ODAD2: variants seen among roughly 807,000 people sequenced by gnomAD.
ODAD2 encodes outer dynein arm docking complex subunit 2.
In ODAD2, 89 loss-of-function variants were observed where a neutral mutation model predicts 106.8. The ratio of observed to expected loss-of-function variants is 0.83; its 90% confidence interval spans 0.70 to 0.99. ODAD2 has a LOEUF of 0.99. Among genes scored for constraint, ODAD2 ranks in the 50% least tolerant of loss-of-function variants. The pLI, the probability that ODAD2 is intolerant of heterozygous loss-of-function variation, is 0.00. For missense variants in ODAD2, 1,168 were observed against 1,238.5 expected, an observed-to-expected ratio of 0.94 and a Z score of 0.85; for synonymous variants, 404 against 436.2, an observed-to-expected ratio of 0.93 and a Z score of 0.92.
At chr10:27,862,152 TAC>T (rs1327044617) in intron 18 of ODAD2, among the ~76,000 whole-genome samples, 1 of 152,142 alleles carries the variant, frequency 6.6e-6, no homozygotes, top group Non-Finnish European at 1.5e-5. Flanking sequence ...AGTTAACACT[TAC>T]ATAATAGCAC....
At chr10:27,867,809 C>T (rs1840553203) in intron 17 of ODAD2, among the ~76,000 whole-genome samples, 1 of 151,908 alleles carries the variant, frequency 6.6e-6, no homozygotes, top group African/African-American at 2.4e-5. Flanking sequence ...ATTAGCTGGG[C>T]ATGGTGGCGT....
intron 19 of ODAD2, among the ~76,000 whole-genome samples, chr10:27,826,443 G>A (rs1421912968): frequency 1.3e-5 from 2 of 151,912 alleles, no homozygotes; most frequent in South Asian, 2.1e-4. Flanking sequence ...ATTTAAAACC[G>A]GCTCCACTCT....
chr10:27,897,230 C>T (rs1842917908), intron 17 of ODAD2, among the ~76,000 whole-genome samples: 1 of 152,044 alleles, frequency 6.6e-6, no homozygotes. Flanking sequence ...GTCCTTCTCC[C>T]TTCCACCTAC....
chr10:27,940,192 T>A (rs892061520), intron 13 of ODAD2, among the ~76,000 whole-genome samples, 185 bp from the exon 14 acceptor site: 33 of 152,162 alleles, frequency 2.2e-4, no homozygotes, highest in African/African-American at 7.9e-4. Flanking sequence ...TTTGTGTGTG[T>A]GTATATATAT....
intron 10 of ODAD2, among the ~76,000 whole-genome samples, chr10:27,960,417 G>A (rs921336019): frequency 4.0e-5 from 6 of 150,194 alleles, no homozygotes; most frequent in African/African-American, 1.5e-4. Flanking sequence ...CATGATCTCG[G>A]CTCACTGCAA....
At chr10:27,820,752 CAATT>C (rs1267878725) in intron 19 of ODAD2, among the ~76,000 whole-genome samples, 1 of 143,492 alleles carries the variant, frequency 7.0e-6, no homozygotes, top group Non-Finnish European at 1.5e-5. Flanking sequence ...TTTAGCTTAA[CAATT>C]AAACCAATGA....
At chr10:27,901,289 G>T (rs1218906610) in intron 17 of ODAD2, among the ~76,000 whole-genome samples, 12 of 152,288 alleles carry the variant, frequency 7.9e-5, no homozygotes, top group African/African-American at 2.4e-4. Flanking sequence ...CACTAGGACT[G>T]CCTTATGAGA....
rs188303769 is a variant in ODAD2 at position 27,882,091 on chromosome 10, C to T, written c.2611-19469G>A. The stretch of plus-strand genomic sequence containing the variant: ...GGCTGAGGTGGGAGGATCACTTGAG[C>T]CCAGGAGACAGAGGTTGCATTGAGC... On this transcript the variant is annotated intron_variant, in intron 17 of 19. Transcript: ENST00000305242. Among the ~76,000 whole-genome samples the T allele has an allele frequency of 9.9e-5, 15 of 151,688 alleles. No individual in the cohort carries two copies. In the East Asian group the frequency reaches 2.5e-3, roughly 26 times the overall value.
chr10:27,963,053 G>A (rs1033279277), intron 9 of ODAD2, among the ~76,000 whole-genome samples: 26 of 151,330 alleles, frequency 1.7e-4, no homozygotes, highest in African/African-American at 6.3e-4. Context: ...TGTCACCCAG[G>A]CTGTAGTGCA....
intron 16 of ODAD2, among the ~76,000 whole-genome samples, chr10:27,916,427 C>T (rs937902979): frequency 2.0e-5 from 3 of 152,018 alleles, no homozygotes; most frequent in South Asian, 2.1e-4. Flanking sequence ...TAAGTAAGGA[C>T]GGAGGTCAGT....
chr10:27,830,740 C>T (rs1272772028), intron 19 of ODAD2, among the ~76,000 whole-genome samples: 2 of 152,070 alleles, frequency 1.3e-5, no homozygotes, highest in Non-Finnish European at 2.9e-5. Flanking sequence ...CAGGACCAAC[C>T]CAGAGTTCCT....
At position 27,994,809 on chromosome 10, in the gene ODAD2, G is replaced by C. The variant is rs900971247; in HGVS notation, c.224+110C>G. ...TCTGGTTTTCATTCCCTGGTTTAGA[G>C]GGCTTCTGAGGTTCAGAGAGGTTAG... On this transcript the variant is annotated intron_variant, in intron 2 of 19. Transcript: ENST00000305242. 3.4e-6 allele frequency: 4 copies of C among 1,172,460 alleles called. No homozygotes were observed. The African/African-American group carries it at 6.2e-5, about 18-fold the overall frequency. The allele number at this position is 1,172,460 out of a possible 1,614,324, so 72.6% of individuals were successfully genotyped here.
chr10:27,954,243 C>T (rs570206953), intron 10 of ODAD2, among the ~76,000 whole-genome samples: 54 of 152,228 alleles, frequency 3.5e-4, no homozygotes, highest in African/African-American at 1.3e-3. Context: ...CCAGCCAGTA[C>T]CACTACTCTT....
chr10:27,885,529 A>AT lies in ODAD2; in HGVS notation c.2610+22133_2610+22134insA, dbSNP rs1564465124. ...CATCTCAAAAAAAAAAAAAAAAAAAAAAAAATATATATATATATAAATATA... is the reference window on the plus strand; with the variant it reads ...CATCTCAAAAAAAAAAAAAAAAAAAATAAAAATATATATATATATAAATATA... On this transcript the variant is annotated intron_variant, in intron 17 of 19. Coordinates refer to ENST00000305242, the MANE Select transcript of ODAD2 (RefSeq NM_018076.5). 5.2e-3 allele frequency among the ~76,000 whole-genome samples: 84 copies of AT among 16,042 alleles called. 9 individuals carry two copies. The highest frequency in any genetic ancestry group is 0.013 in the East Asian group (9 of 714). 10.5% of individuals were successfully genotyped at this position (16,042 alleles called of 152,430 possible). A position where few individuals can be genotyped will look rare whatever the true frequency, so the allele number is the denominator to read the frequency against.
At chr10:27,826,781 C>T (rs1374844536) in intron 19 of ODAD2, among the ~76,000 whole-genome samples, 1 of 152,118 alleles carries the variant, frequency 6.6e-6, no homozygotes, top group Non-Finnish European at 1.5e-5. Context: ...CCTTCCTGCT[C>T]TTGCCAATTA....
At chr10:27,970,831 G>T (rs1244076129) in intron 8 of ODAD2, among the ~76,000 whole-genome samples, 13 of 152,008 alleles carry the variant, frequency 8.6e-5, no homozygotes, top group African/African-American at 3.1e-4. Flanking sequence ...AGTTAGCCAG[G>T]CGTGGTGGCA....
intron 1 of ODAD2, chr10:27,995,718 T>G (rs1269246661): frequency 6.6e-6 from 1 of 152,652 alleles, no homozygotes; most frequent in Non-Finnish European, 1.5e-5. Flanking sequence ...TTTCCCCAAG[T>G]GCATTCTGAG....
rs150422508 is a variant in ODAD2 at position 27,848,391 on chromosome 10, C to G, written c.3021+12234G>C. ...CATATGTAGGAAGCTGAAACTGGAT[C>G]CCTTCCTTACACCTTATACAAAAAT... On this transcript the variant is annotated intron_variant, in intron 19 of 19. Coordinates refer to ENST00000305242, the MANE Select transcript of ODAD2 (RefSeq NM_018076.5). 4.9e-3 allele frequency among the ~76,000 whole-genome samples: 740 copies of G among 152,290 alleles called. 8 individuals carry two copies. The highest frequency in any genetic ancestry group is 0.016 in the African/African-American group (681 of 41,554).
At position 27,956,502 on chromosome 10, in the gene ODAD2, G is replaced by T. The variant is rs1044735285; in HGVS notation, c.1386+5066C>A. Reference sequence around the variant, plus strand: ...AACTGTGCTTGCCAATATAACCCTTGTTGAACCTAGAGCTGGTGCCTGGAC... The same window carrying T: ...AACTGTGCTTGCCAATATAACCCTTTTTGAACCTAGAGCTGGTGCCTGGAC... On this transcript the variant is annotated intron_variant, in intron 10 of 19. Coordinates refer to ENST00000305242, the MANE Select transcript of ODAD2 (RefSeq NM_018076.5). Among the ~76,000 whole-genome samples the T allele has an allele frequency of 3.4e-4, 51 of 152,206 alleles. 2 individuals are homozygous for T. Among genetic ancestry groups the T allele is most frequent in the Admixed American group, 2.0e-4 (3 of 15,274 alleles).
Sources: gnomAD v4.1 joint callset for allele counts (sites outside exome capture counted in the v4.1 genomes callset) on GRCh38, gnomAD v4.1.1 for gene constraint, MANE v1.5 for transcripts, NCBI Gene and HGNC (gene_info 2026-07-23, HGNC 2026-07-21) for gene names.